SLC39A11: variants seen among roughly 807,000 people sequenced by gnomAD.
SLC39A11 encodes zinc transporter ZIP11.
In SLC39A11, 33 loss-of-function variants were observed where a neutral mutation model predicts 36.1. The observed-to-expected ratio is 0.91, with a 90% CI of 0.69 to 1.22. The LOEUF (loss-of-function observed/expected upper bound fraction) is 1.22, where lower values mean the gene tolerates loss of function less well. Ranked by LOEUF, SLC39A11 falls within the 50% of genes most tolerant of loss-of-function variation. SLC39A11 has a pLI of 0.00. For missense variants in SLC39A11, 432 were observed against 430.3 expected (o/e 1.00, Z -0.03); for synonymous variants, 166 against 170.3 (o/e 0.97, Z 0.20).
chr17:72,751,588 T>A (rs182075064), intron 6 of SLC39A11, among the ~76,000 whole-genome samples: 1 of 152,174 alleles, frequency 6.6e-6, no homozygotes, highest in Non-Finnish European at 1.5e-5. Context: ...GCTCTTTGGT[T>A]TTTTTTTGAG....
chr17:72,900,205 GA>G (rs2082311475), intron 5 of SLC39A11, among the ~76,000 whole-genome samples: 5 of 140,816 alleles, frequency 3.6e-5, no homozygotes, highest in South Asian at 2.3e-4. Context: ...AAGAAAGAAA[GA>G]AAGAAAGAAA....
At chr17:72,967,399 A>AGAGAGAGTGT (rs143987646) in intron 4 of SLC39A11, among the ~76,000 whole-genome samples, 1,868 of 138,186 alleles carry the variant, frequency 0.014, 32 homozygotes, top group South Asian at 0.036. Flanking sequence ...AGAGAGAGAG[A>AGAGAGAGTGT]GTGTGTGTGT....
chr17:72,864,629 A>T (rs1348838637), intron 5 of SLC39A11, among the ~76,000 whole-genome samples: 1 of 152,216 alleles, frequency 6.6e-6, no homozygotes, highest in Non-Finnish European at 1.5e-5. Flanking sequence ...AAGGTGGAAC[A>T]GGAAAATAAA....
intron 5 of SLC39A11, among the ~76,000 whole-genome samples, chr17:72,872,916 G>A (rs1205260792): frequency 6.6e-6 from 1 of 151,918 alleles, no homozygotes; most frequent in Non-Finnish European, 1.5e-5. Context: ...TTAGCCGGGC[G>A]TGGTGGCGGG....
At chr17:72,882,243 C>T (rs539574920) in intron 5 of SLC39A11, among the ~76,000 whole-genome samples, 2 of 152,082 alleles carry the variant, frequency 1.3e-5, no homozygotes, top group East Asian at 3.9e-4. Context: ...GTAGTCCCAG[C>T]CACTCGGGAC....
rs760559116 is a variant in SLC39A11 at position 72,647,557 on chromosome 17, T to A, written c.*27A>T. ...ACCACTGCTGTTTCTTCGTATGGCC[T>A]TTCCCGGGGTCCGAAGCGTCTCAGC... On this transcript the variant is annotated 3_prime_UTR_variant, in exon 10 of 10. Coordinates refer to ENST00000255559, the MANE Select transcript of SLC39A11 (RefSeq NM_139177.4). 20 of 1,605,820 alleles carry A rather than the reference T, an allele frequency of 1.2e-5. No individual in the cohort carries two copies. The East Asian group carries it at 4.5e-4, about 36-fold the overall frequency.
At chr17:72,690,814 T>G (rs1203735054) in intron 7 of SLC39A11, among the ~76,000 whole-genome samples, 3 of 152,090 alleles carry the variant, frequency 2.0e-5, no homozygotes, top group Non-Finnish European at 4.4e-5. Context: ...CATCAAGCAC[T>G]TGTGAAGGTC....
At chr17:72,822,943 C>T (rs1006708190) in intron 6 of SLC39A11, among the ~76,000 whole-genome samples, 6 of 148,950 alleles carry the variant, frequency 4.0e-5, no homozygotes, top group South Asian at 2.1e-4. Flanking sequence ...GGTCAGTTGC[C>T]CTGGCTGGTC....
At chr17:72,939,792 G>A (rs955043292) in intron 5 of SLC39A11, among the ~76,000 whole-genome samples, 21 of 152,264 alleles carry the variant, frequency 1.4e-4, no homozygotes, top group Middle Eastern at 3.4e-3. Flanking sequence ...AAGGGAATAC[G>A]TTTCTGCTGT....
chr17:72,949,354 T>G (rs1395006312), intron 4 of SLC39A11, among the ~76,000 whole-genome samples: 1 of 151,604 alleles, frequency 6.6e-6, no homozygotes, highest in Non-Finnish European at 1.5e-5. Flanking sequence ...GGAGATAGGG[T>G]TTCACCATGT....
rs1344457790 is a variant in SLC39A11, at chr17:72,988,254, A to G, written c.307-40379T>C. On this transcript the variant is annotated intron_variant, in intron 4 of 9. Transcript: ENST00000255559. Reference sequence around the variant, plus strand: ...GATCACCTGAGGCCAGGAGTTCAAAACCAGTCCGGCCAACATGGTGAAATC... The same window carrying G: ...GATCACCTGAGGCCAGGAGTTCAAAGCCAGTCCGGCCAACATGGTGAAATC... Among the ~76,000 whole-genome samples, 3 of 152,188 alleles carry G rather than the reference A, an allele frequency of 2.0e-5. No individual in the cohort carries two copies. The South Asian group carries it at 6.2e-4, about 32-fold the overall frequency.
chr17:72,997,517 T>C (rs2089591200), intron 4 of SLC39A11, among the ~76,000 whole-genome samples: 1 of 152,060 alleles, frequency 6.6e-6, no homozygotes, highest in African/African-American at 2.4e-5. Context: ...CCTCCCAAAG[T>C]GCTGGGATTA....
intron 3 of SLC39A11, among the ~76,000 whole-genome samples, chr17:73,047,023 A>AT (rs1190546669): frequency 2.1e-4 from 26 of 123,300 alleles, no homozygotes; most frequent in African/African-American, 5.7e-4. Context: ...TTTTTATTTT[A>AT]TTTATTTTTT....
chr17:72,673,405 T>C (rs951754965), intron 7 of SLC39A11, among the ~76,000 whole-genome samples: 2 of 152,160 alleles, frequency 1.3e-5, no homozygotes, highest in African/African-American at 2.4e-5. Flanking sequence ...GCCCGGCCTC[T>C]TTCTCTATTT....
intron 6 of SLC39A11, among the ~76,000 whole-genome samples, chr17:72,794,039 T>C (rs990123661): frequency 6.6e-6 from 1 of 152,154 alleles, no homozygotes; most frequent in Non-Finnish European, 1.5e-5. Context: ...CTTCAAAATC[T>C]AGGCCATTGT....
At chr17:73,016,387 G>A (rs1309916468) in intron 4 of SLC39A11, among the ~76,000 whole-genome samples, 1 of 151,126 alleles carries the variant, frequency 6.6e-6, no homozygotes, top group Non-Finnish European at 1.5e-5. Flanking sequence ...ACACTAGAGT[G>A]CAGTGGCATG....
chr17:72,887,521 C>A (rs1034130621), intron 5 of SLC39A11, among the ~76,000 whole-genome samples: 2 of 152,232 alleles, frequency 1.3e-5, no homozygotes, highest in African/African-American at 2.4e-5. Flanking sequence ...GAATGCAACA[C>A]TGCACAGTTC....
intron 6 of SLC39A11, among the ~76,000 whole-genome samples, chr17:72,747,910 T>C (rs1392992897): frequency 6.6e-6 from 1 of 152,220 alleles, no homozygotes; most frequent in Non-Finnish European, 1.5e-5. Context: ...CTTGAAAAAG[T>C]AGTTTGATGC....
At chr17:72,769,333 A>C (rs907008640) in intron 6 of SLC39A11, among the ~76,000 whole-genome samples, 6 of 152,096 alleles carry the variant, frequency 3.9e-5, no homozygotes, top group Admixed American at 3.3e-4. Context: ...ACCTTTAAAA[A>C]CCCGTGCATT....
Sources: gnomAD v4.1 joint callset for allele counts (sites outside exome capture counted in the v4.1 genomes callset) on GRCh38, gnomAD v4.1.1 for gene constraint, MANE v1.5 for transcripts, NCBI Gene and HGNC (gene_info 2026-07-23, HGNC 2026-07-21) for gene names.